The following UNC79 variants were observed in gnomAD, a reference collection of about 807,000 sequenced individuals.
UNC79 encodes protein unc-79 homolog.
In UNC79, 37 loss-of-function variants were observed where a neutral mutation model predicts 283.1. That is an observed-to-expected ratio of 0.13 (90% CI 0.10 to 0.17). UNC79 has a LOEUF of 0.17. UNC79 is among the 10% of genes least tolerant of loss of function. The pLI is 1.00. For synonymous variants in UNC79, 1,107 were observed against 1,200.2 expected (o/e 0.92, Z 1.61); for missense variants, 2,272 against 3,211.1 (o/e 0.71, Z 7.07).
intron 14 of UNC79, among the ~76,000 whole-genome samples, chr14:93,564,550 C>T (rs886337624): frequency 1.3e-5 from 2 of 152,158 alleles, no homozygotes; most frequent in African/African-American, 4.8e-5. Context: ...GGAGGTCCCC[C>T]AATCTGAGTC....
chr14:93,383,070 C>T (rs1003596490), intron 1 of UNC79, among the ~76,000 whole-genome samples: 14 of 152,142 alleles, frequency 9.2e-5, no homozygotes, highest in African/African-American at 3.4e-4. Context: ...TCAAGTAGAA[C>T]CTCTTCCTTT....
At chr14:93,664,432 G>A (rs1223597624) in intron 40 of UNC79, among the ~76,000 whole-genome samples, 1 of 152,126 alleles carries the variant, frequency 6.6e-6, no homozygotes, top group African/African-American at 2.4e-5. Context: ...CCCTGTGGTG[G>A]GGCTGTTGCT....
At chr14:93,639,678 G>A (rs949626601) in intron 32 of UNC79, among the ~76,000 whole-genome samples, 32 of 152,202 alleles carry the variant, frequency 2.1e-4, no homozygotes, top group Non-Finnish European at 2.9e-5. Flanking sequence ...GTTTGGATTT[G>A]CAAATGTTCT....
At chr14:93,590,237 G>A (rs1038863432) in intron 22 of UNC79, among the ~76,000 whole-genome samples, 2 of 152,056 alleles carry the variant, frequency 1.3e-5, no homozygotes, top group Non-Finnish European at 2.9e-5. Flanking sequence ...ATGAATTTTC[G>A]GGGAGCACTC....
intron 4 of UNC79, among the ~76,000 whole-genome samples, chr14:93,484,866 T>C (rs947699237): frequency 6.6e-6 from 1 of 152,220 alleles, no homozygotes; most frequent in Admixed American, 6.5e-5. Flanking sequence ...GCCAGTTTTC[T>C]AGGGCTTGAG....
intron 14 of UNC79, among the ~76,000 whole-genome samples, chr14:93,546,589 T>C (rs183138133): frequency 6.6e-6 from 1 of 152,202 alleles, no homozygotes; most frequent in African/African-American, 2.4e-5. Flanking sequence ...AAGGTATAAA[T>C]CTACCAAATT....
chr14:93,657,913 G>C (rs1422778094), intron 38 of UNC79, among the ~76,000 whole-genome samples: 1 of 152,188 alleles, frequency 6.6e-6, no homozygotes, highest in Non-Finnish European at 1.5e-5. Flanking sequence ...TGTTCTGTGG[G>C]AGCGCAGGCT....
intron 8 of UNC79, among the ~76,000 whole-genome samples, chr14:93,528,316 A>G (rs967757940): frequency 6.6e-6 from 1 of 152,208 alleles, no homozygotes; most frequent in African/African-American, 2.4e-5. Context: ...GACACTATTT[A>G]TTACTTGAAT....
chr14:93,537,637 T>A (rs1362603523), intron 11 of UNC79, among the ~76,000 whole-genome samples: 1 of 152,222 alleles, frequency 6.6e-6, no homozygotes, highest in African/African-American at 2.4e-5. Context: ...TCTGTTTTTT[T>A]CTTTATATTT....
chr14:93,390,998 A>G (rs993371461), intron 1 of UNC79, among the ~76,000 whole-genome samples: 2 of 152,344 alleles, frequency 1.3e-5, no homozygotes, highest in East Asian at 1.9e-4. Flanking sequence ...TAAAAGATCA[A>G]TAATAGCTAA....
At chr14:93,360,505 A>G (rs2054198550) in intron 1 of UNC79, among the ~76,000 whole-genome samples, 1 of 152,204 alleles carries the variant, frequency 6.6e-6, no homozygotes, top group Admixed American at 6.5e-5. Context: ...GAGCAAATTA[A>G]CACATTTCCT....
chr14:93,499,156 A>G (rs2059166891), intron 7 of UNC79, among the ~76,000 whole-genome samples: 1 of 152,210 alleles, frequency 6.6e-6, no homozygotes, highest in Non-Finnish European at 1.5e-5. Context: ...TGGTAACAAT[A>G]ATAAAAACAA....
At chr14:93,519,316 A>G (rs148039980) in intron 7 of UNC79, among the ~76,000 whole-genome samples, 7 of 151,978 alleles carry the variant, frequency 4.6e-5, no homozygotes, top group South Asian at 2.1e-4. Flanking sequence ...GCTTTCTTAT[A>G]ATTTCAATTA....
chr14:93,595,413 A>C (rs928836530), intron 23 of UNC79, among the ~76,000 whole-genome samples: 10 of 152,110 alleles, frequency 6.6e-5, no homozygotes, highest in African/African-American at 2.4e-4. Context: ...TTTTCTATTC[A>C]AGAAATTTTA....
intron 14 of UNC79, among the ~76,000 whole-genome samples, chr14:93,544,518 CT>C (rs1303864128): frequency 2.0e-5 from 3 of 152,172 alleles, no homozygotes; most frequent in Non-Finnish European, 4.4e-5. Flanking sequence ...TTTGCATCTT[CT>C]TTAGCTTAAA....
chr14:93,641,225 C>T lies in UNC79; in HGVS notation c.5881C>T (p.Gln1961Ter). 1 of 1,613,166 alleles carries T rather than the reference C, an allele frequency of 6.2e-7. No homozygotes were observed. The change falls in exon 33 of 49, where the codon CAG (glutamine) becomes TAG (stop). Residue 1961 changes from glutamine to a stop codon, truncating the protein, a stop_gained. Coordinates refer to ENST00000555664, the Ensembl canonical transcript of UNC79. LOFTEE classifies it high-confidence loss of function. ...TGCACCTGAAGAGTTCACTGACGAG[C>T]AGCCGACGGTGATGACGGACAAGTA...
chr14:93,628,811 C>T (rs760562340), intron 30 of UNC79, among the ~76,000 whole-genome samples: 3 of 152,182 alleles, frequency 2.0e-5, no homozygotes, highest in Non-Finnish European at 4.4e-5. Context: ...GGAAAGATTG[C>T]CTCGCTAACA....
chr14:93,583,770 G>C (rs2063998073), intron 20 of UNC79, among the ~76,000 whole-genome samples: 1 of 148,472 alleles, frequency 6.7e-6, no homozygotes, highest in African/African-American at 2.5e-5. Context: ...CTGCCAGATT[G>C]CTCCAACTTA....
intron 38 of UNC79, among the ~76,000 whole-genome samples, chr14:93,656,451 A>T (rs1484134554): frequency 2.2e-5 from 3 of 136,628 alleles, no homozygotes; most frequent in Admixed American, 7.5e-5. Flanking sequence ...CGAAAGATTA[A>T]AAAAAAAAAA....
Sources: allele counts gnomAD v4.1 joint callset (sites outside exome capture counted in the v4.1 genomes callset), GRCh38; gene constraint gnomAD v4.1.1; transcripts MANE v1.5; gene names NCBI Gene and HGNC (gene_info 2026-07-23, HGNC 2026-07-21).